SORCS3: variants seen among roughly 807,000 people sequenced by gnomAD.
SORCS3 encodes the protein VPS10 domain-containing receptor SorCS3.
Under a neutral mutation model 146.3 loss-of-function variants are expected in SORCS3, and 57 were observed. The observed-to-expected ratio is 0.39, with a 90% CI of 0.31 to 0.49. SORCS3 has a LOEUF of 0.49. SORCS3 is among the 20% of genes least tolerant of loss of function. The pLI, the probability that SORCS3 is intolerant of heterozygous loss-of-function variation, is 0.92. For synonymous variants in SORCS3, 653 were observed against 618.5 expected (o/e 1.06, Z -0.83); for missense variants, 1,341 against 1,575.5 (o/e 0.85, Z 2.52).
chr10:104,940,230 ATATATATATT>A (rs549682340), intron 3 of SORCS3, among the ~76,000 whole-genome samples: 527 of 23,820 alleles, frequency 0.022, 2 homozygotes, highest in African/African-American at 0.084. Context: ...ATATATATAT[ATATATATATT>A]TTTTTTTTTT....
At chr10:105,129,993 C>T (rs2056006604) in intron 7 of SORCS3, among the ~76,000 whole-genome samples, 1 of 152,128 alleles carries the variant, frequency 6.6e-6, no homozygotes, top group Non-Finnish European at 1.5e-5. Flanking sequence ...AGTCAGTCTC[C>T]AGAAGACCTC....
At chr10:104,872,793 C>G (rs1399662008) in intron 2 of SORCS3, among the ~76,000 whole-genome samples, 1 of 152,052 alleles carries the variant, frequency 6.6e-6, no homozygotes, top group African/African-American at 2.4e-5. Flanking sequence ...CATGTCCACT[C>G]CCACGCACCA....
intron 13 of SORCS3, among the ~76,000 whole-genome samples, chr10:105,177,554 C>G (rs1240287272): frequency 1.3e-5 from 2 of 152,148 alleles, no homozygotes; most frequent in Non-Finnish European, 2.9e-5. Flanking sequence ...ATCTCAGACT[C>G]TCAGTGGTCA....
At chr10:105,008,049 G>T (rs921265116) in intron 4 of SORCS3, among the ~76,000 whole-genome samples, 19 of 152,200 alleles carry the variant, frequency 1.2e-4, no homozygotes, top group Admixed American at 6.5e-5. Flanking sequence ...GGCCTGGCAT[G>T]ATTCTGATTG....
chr10:105,203,084 A>C (rs1318414873), intron 16 of SORCS3, among the ~76,000 whole-genome samples: 2 of 152,112 alleles, frequency 1.3e-5, no homozygotes, highest in African/African-American at 4.8e-5. Flanking sequence ...TTTGTACTAG[A>C]AACTATCCTT....
chr10:105,030,032 C>A (rs1278852891), intron 4 of SORCS3, among the ~76,000 whole-genome samples: 1 of 152,152 alleles, frequency 6.6e-6, no homozygotes, highest in Non-Finnish European at 1.5e-5. Flanking sequence ...GGGGTGAGCC[C>A]TTCACCCTAC....
chr10:104,778,821 C>T (rs2017341342), intron 1 of SORCS3, among the ~76,000 whole-genome samples: 1 of 152,146 alleles, frequency 6.6e-6, no homozygotes, highest in African/African-American at 2.4e-5. Flanking sequence ...ACTGGCCTTA[C>T]AGATGTGGAC....
intron 4 of SORCS3, among the ~76,000 whole-genome samples, chr10:105,038,698 A>G (rs1273704782): frequency 6.6e-6 from 1 of 152,102 alleles, no homozygotes; most frequent in African/African-American, 2.4e-5. Context: ...ATTTTGGCAT[A>G]TTTCCTTCTG....
intron 1 of SORCS3, among the ~76,000 whole-genome samples, chr10:104,724,343 CAG>C (rs1259204087): frequency 2.4e-4 from 36 of 152,304 alleles, no homozygotes; most frequent in African/African-American, 8.7e-4. Context: ...GCCGAGAGAT[CAG>C]CTGTTAGTCT....
At chr10:105,227,876 T>C (rs2056743174) in intron 20 of SORCS3, among the ~76,000 whole-genome samples, 2 of 152,024 alleles carry the variant, frequency 1.3e-5, no homozygotes, top group African/African-American at 2.4e-5. Flanking sequence ...CTCCTGCTAA[T>C]TTTCAGTTTT....
intron 1 of SORCS3, among the ~76,000 whole-genome samples, chr10:104,668,599 T>A (rs569402355): frequency 6.6e-6 from 1 of 152,254 alleles, no homozygotes; most frequent in African/African-American, 2.4e-5. Context: ...TGTCTTACCA[T>A]GATGTCTGTC....
chr10:105,169,166 C>T (rs1244183847), intron 13 of SORCS3, among the ~76,000 whole-genome samples: 1 of 152,104 alleles, frequency 6.6e-6, no homozygotes, highest in African/African-American at 2.4e-5. Context: ...ATACCTTTCT[C>T]AAGGCTAGAC....
At chr10:105,039,177 G>A (rs149383428) in intron 4 of SORCS3, among the ~76,000 whole-genome samples, 2 of 152,226 alleles carry the variant, frequency 1.3e-5, no homozygotes, top group African/African-American at 4.8e-5. Context: ...ATGTGTAGGT[G>A]GAGAGGTTTT....
chr10:105,036,489 T>C (rs1474896664), intron 4 of SORCS3, among the ~76,000 whole-genome samples: 1 of 152,152 alleles, frequency 6.6e-6, no homozygotes, highest in Admixed American at 6.5e-5. Flanking sequence ...CTGGGAGCAG[T>C]GGCTCACACC....
At chr10:105,046,518 G>C (rs897779405) in intron 5 of SORCS3, among the ~76,000 whole-genome samples, 12 of 152,086 alleles carry the variant, frequency 7.9e-5, no homozygotes, top group African/African-American at 2.7e-4. Context: ...TCTCTCGTCT[G>C]TTCCGTCATC....
chr10:104,694,425 G>C (rs1316005959), intron 1 of SORCS3, among the ~76,000 whole-genome samples: 2 of 151,922 alleles, frequency 1.3e-5, no homozygotes, highest in African/African-American at 4.8e-5. Context: ...ATGGATATTA[G>C]GGTTTTGAAG....
chr10:105,095,064 G>A (rs1299936478), intron 6 of SORCS3, among the ~76,000 whole-genome samples: 1 of 152,036 alleles, frequency 6.6e-6, no homozygotes, highest in Non-Finnish European at 1.5e-5. Context: ...CATATGGATG[G>A]TACCAATCAA....
chr10:105,116,364 A>AAAATCTGG (rs2055893447), intron 7 of SORCS3, among the ~76,000 whole-genome samples: 3 of 152,158 alleles, frequency 2.0e-5, no homozygotes, highest in South Asian at 4.1e-4. Context: ...TGCAGATACA[A>AAAATCTGG]GTCTTGAAGG....
chr10:104,737,257 A>T (rs2016785009), intron 1 of SORCS3, among the ~76,000 whole-genome samples: 1 of 152,154 alleles, frequency 6.6e-6, no homozygotes, highest in East Asian at 1.9e-4. Context: ...ATGTGTCTTT[A>T]TAGCAGCATG....
Sources: gnomAD v4.1 joint callset for allele counts (sites outside exome capture counted in the v4.1 genomes callset) on GRCh38, gnomAD v4.1.1 for gene constraint, MANE v1.5 for transcripts, NCBI Gene and HGNC (gene_info 2026-07-23, HGNC 2026-07-21) for gene names.